KNTC1: variants seen among roughly 807,000 people sequenced by gnomAD.
KNTC1 encodes kinetochore associated 1, also known as kinetochore-associated protein 1.
A neutral mutation model predicts 314.4 loss-of-function variants in KNTC1; 253 were observed. The ratio of observed to expected loss-of-function variants is 0.80; its 90% CI spans 0.73 to 0.89. The LOEUF (loss-of-function observed/expected upper bound fraction) is 0.89, where lower values mean the gene tolerates loss of function less well. Ranked by LOEUF, KNTC1 falls within the 40% of genes least tolerant of loss-of-function variation. KNTC1 has a pLI of 0.00. For synonymous variants in KNTC1, 901 were observed against 901.4 expected, an observed-to-expected ratio of 1.00 and a Z score of 0.01; for missense variants, 2,475 against 2,572.9, an observed-to-expected ratio of 0.96 and a Z score of 0.82.
At chr12:122,586,778 A>G (rs772245199) in intron 38 of KNTC1, 21 bp downstream of exon 38, 2 of 997,554 alleles carry the variant, frequency 2.0e-6, no homozygotes. Context: ...CAAGAAATAT[A>G]TAGCATTCTA....
In KNTC1 at chr12:122,586,691, T is replaced by C; in HGVS notation, c.3674-10T>C. On this transcript the variant is annotated splice_polypyrimidine_tract_variant and intron_variant, in intron 37 of 63. Transcript: ENST00000333479. ...TTTAGTGTTGTTTAATGTTTTATTA[T>C]CTTTTGTAGAAAGCAAGAGATATCC... 4 of 1,420,266 alleles carry C rather than the reference T, an allele frequency of 2.8e-6. No homozygotes were observed. Among genetic ancestry groups the C allele is most frequent in the Non-Finnish European group, 3.8e-6 (4 of 1,059,296 alleles). 88.0% of individuals were successfully genotyped at this position (1,420,266 alleles called of 1,614,324 possible).
intron 51 of KNTC1, among the ~76,000 whole-genome samples, chr12:122,607,561 A>G (rs1872690287): frequency 6.6e-6 from 1 of 152,168 alleles, no homozygotes; most frequent in Non-Finnish European, 1.5e-5. Flanking sequence ...TCCTCAGGGT[A>G]TGACATTTGG....
rs756883663 is a variant in KNTC1 at position 122,576,918 on chromosome 12, A to G, written c.2610A>G (p.Lys870=). ...EIMRVVRYIL[K]QDVPSSLEDA... is the part of the protein sequence containing the mutation. ...AGAGAGTGGTTAGATACATTCTCAA[A>G]CAAGATGTCCCATCTTCTTTAGAAG... The change falls in exon 30 of 64, where the codon AAA becomes AAG. Residue 870 remains lysine (K), a synonymous_variant. Transcript: ENST00000333479. The G allele has an allele frequency of 3.8e-6, 6 of 1,590,592 alleles. No individual in the cohort carries two copies. The East Asian group carries it at 1.1e-4, about 30-fold the overall frequency.
intron 31 of KNTC1, 51 bp from the exon 32 acceptor site, chr12:122,579,854 G>A: frequency 3.2e-6 from 4 of 1,238,956 alleles, no homozygotes; most frequent in East Asian, 4.7e-5. Context: ...TACTACTGAA[G>A]TGGTCAGAAA....
chr12:122,589,108 T>G (rs1218626198), intron 40 of KNTC1, among the ~76,000 whole-genome samples: 3 of 152,022 alleles, frequency 2.0e-5, no homozygotes, highest in Admixed American at 2.0e-4. Context: ...TCACCCAGGC[T>G]GGAGTGCAGT....
At chr12:122,588,849 G>GTTTTT in intron 40 of KNTC1, 33 bp downstream of exon 40, 2 of 1,224,470 alleles carry the variant, frequency 1.6e-6, no homozygotes, top group African/African-American at 1.6e-5. Context: ...AATTTTGTTT[G>GTTTTT]TTTTTTTTTT....
At chr12:122,531,295 C>T (rs1317022040) in intron 2 of KNTC1, among the ~76,000 whole-genome samples, 1 of 152,052 alleles carries the variant, frequency 6.6e-6, no homozygotes, top group African/African-American at 2.4e-5. Context: ...CAACCTCTGC[C>T]TCCTGGGTTC....
At chr12:122,566,555 A>G (rs1255195640) in intron 20 of KNTC1, among the ~76,000 whole-genome samples, 1 of 151,358 alleles carries the variant, frequency 6.6e-6, no homozygotes, top group Non-Finnish European at 1.5e-5. Flanking sequence ...GATTACAGGC[A>G]TGCAACACTA....
intron 59 of KNTC1, among the ~76,000 whole-genome samples, chr12:122,619,478 T>C (rs1385951101): frequency 1.3e-5 from 2 of 150,934 alleles, no homozygotes; most frequent in Non-Finnish European, 3.0e-5. Flanking sequence ...AGTGGCGCCA[T>C]CTCGGCTCAC....
rs1050266801 is a variant in KNTC1, at chr12:122,601,459, G to T, written c.4564-77G>T. The T allele has an allele frequency of 3.4e-6, 4 of 1,193,564 alleles. No homozygotes were observed. The African/African-American group carries it at 6.3e-5, about 19-fold the overall frequency. The allele number at this position is 1,193,564 out of a possible 1,614,324, so 73.9% of individuals were successfully genotyped here. ...TGACATTTTTATATTTGTAATCTGT[G>T]CTGATTATTGTAATTGAATAAAATT... On this transcript the variant is annotated intron_variant, in intron 44 of 63. Transcript: ENST00000333479.
At chr12:122,612,402 CTT>C (rs1873250526) in intron 53 of KNTC1, among the ~76,000 whole-genome samples, 1 of 73,640 alleles carries the variant, frequency 1.4e-5, no homozygotes, top group Non-Finnish European at 3.9e-5. Context: ...CTTTGGTTTT[CTT>C]TTTCTTTTTC....
At chr12:122,600,022 A>T (rs1360067691) in intron 44 of KNTC1, among the ~76,000 whole-genome samples, 1 of 152,162 alleles carries the variant, frequency 6.6e-6, no homozygotes, top group Non-Finnish European at 1.5e-5. Context: ...CTGTGTCAAA[A>T]ATAAAAAGGA....
At chr12:122,562,357 T>C (rs1040957189) in intron 19 of KNTC1, among the ~76,000 whole-genome samples, 6 of 152,032 alleles carry the variant, frequency 3.9e-5, no homozygotes, top group African/African-American at 1.2e-4. Context: ...GTGAAAAAAC[T>C]GATTTTAAAG....
At chr12:122,575,226 A>T (rs1375170685) in intron 27 of KNTC1, among the ~76,000 whole-genome samples, 1 of 152,082 alleles carries the variant, frequency 6.6e-6, no homozygotes, top group Non-Finnish European at 1.5e-5. Context: ...GCGCCACTGC[A>T]CTCCAGCCTG....
intron 53 of KNTC1, 22 bp from the exon 54 acceptor site, chr12:122,613,084 ACTCTCC>A (rs775586764): frequency 7.7e-7 from 1 of 1,301,016 alleles, no homozygotes; most frequent in Non-Finnish European, 1.1e-6. Context: ...CAGGTGTTCA[ACTCTCC>A]AAACCTCTTT....
At chr12:122,560,296 G>A (rs1963890352) in intron 18 of KNTC1, among the ~76,000 whole-genome samples, 1 of 152,134 alleles carries the variant, frequency 6.6e-6, no homozygotes, top group Non-Finnish European at 1.5e-5. Flanking sequence ...GAACATGGGT[G>A]TACAGATGTC....
chr12:122,606,859 T>C (rs1872639441), intron 51 of KNTC1, among the ~76,000 whole-genome samples: 1 of 152,158 alleles, frequency 6.6e-6, no homozygotes, highest in Non-Finnish European at 1.5e-5. Context: ...ATTTTAAAGG[T>C]GTATTTCCCA....
Position 122,547,934 on chromosome 12 carries a change from AAATT to A in KNTC1, c.956_959del (p.Leu319Ter). Reference sequence around the variant, plus strand: ...TTTTAGGCAAGGAATTACAAATCTCAAATTAATAGCTCTGACAGCTTCAGCTAAT... The same window carrying A: ...TTTTAGGCAAGGAATTACAAATCTCAAATAGCTCTGACAGCTTCAGCTAAT... On this transcript the variant is annotated frameshift_variant, in exon 12 of 64. Transcript: ENST00000333479. LOFTEE classifies it high-confidence loss of function. The A allele has an allele frequency of 6.5e-7, 1 of 1,550,190 alleles. No homozygotes were observed. Among genetic ancestry groups the A allele is most frequent in the Admixed American group, 2.2e-5 (1 of 46,148 alleles).
At chr12:122,577,587 C>A in intron 30 of KNTC1, 85 bp from the exon 31 acceptor site, 3 of 1,277,810 alleles carry the variant, frequency 2.3e-6, no homozygotes, top group Non-Finnish European at 2.1e-6. Flanking sequence ...GTATTTTCAT[C>A]TTTAAATAGA....
Sources: gnomAD v4.1 joint callset for allele counts (sites outside exome capture counted in the v4.1 genomes callset) on GRCh38, gnomAD v4.1.1 for gene constraint, MANE v1.5 for transcripts, NCBI Gene and HGNC (gene_info 2026-07-23, HGNC 2026-07-21) for gene names.